EDEM3: variants seen among roughly 807,000 people sequenced by gnomAD.
The protein encoded by EDEM3 is ER degradation enhancing alpha-mannosidase like protein 3, also known as ER degradation-enhancing alpha-mannosidase-like protein 3.
Under a neutral mutation model 110.2 loss-of-function variants are expected in EDEM3, and 60 were observed. The observed-to-expected ratio is 0.54, with a 90% CI of 0.44 to 0.67. The LOEUF is 0.67. Ranked by LOEUF, EDEM3 falls within the 30% of genes least tolerant of loss-of-function variation. EDEM3 has a pLI of 0.00. For missense variants in EDEM3, 996 were observed against 1,121.0 expected, an observed-to-expected ratio of 0.89 and a Z score of 1.59; for synonymous variants, 352 against 382.9, an observed-to-expected ratio of 0.92 and a Z score of 0.94.
intron 19 of EDEM3, among the ~76,000 whole-genome samples, chr1:184,697,139 A>G (rs762282555): frequency 2.0e-5 from 3 of 151,892 alleles, no homozygotes; most frequent in African/African-American, 7.2e-5. Context: ...ACCTTTTCAT[A>G]ATAAAAAGCT....
intron 3 of EDEM3, 85 bp from the exon 4 acceptor site, chr1:184,737,149 T>A (rs1651874580): frequency 8.7e-7 from 1 of 1,151,070 alleles, no homozygotes; most frequent in African/African-American, 1.5e-5. Context: ...TACATTCTAT[T>A]GACTGGTAGT....
chr1:184,717,677 G>T, intron 11 of EDEM3, 54 bp from the exon 12 acceptor site: 1 of 1,362,442 alleles, frequency 7.3e-7, no homozygotes, highest in South Asian at 1.3e-5. Context: ...TACACAAGTA[G>T]TTCCAGAATA....
rs778411233 is a variant in EDEM3 at position 184,694,083 on chromosome 1, T to A, written c.2779A>T (p.Met927Leu). 1.2e-6 allele frequency: 2 copies of A among 1,612,452 alleles called. No homozygotes were observed. Among genetic ancestry groups the A allele is most frequent in the Non-Finnish European group, 1.7e-6 (2 of 1,179,112 alleles). Residue 927 changes from methionine to leucine, a missense_variant, in exon 20 of 20, where the codon ATG (methionine) becomes TTG (leucine). Around this residue, in one of 5 missense-constraint regions of EDEM3, gnomAD observed 345 missense variants for 402.0 expected, o/e 0.86. Coordinates refer to ENST00000318130, the MANE Select transcript of EDEM3 (RefSeq NM_025191.4). ...GCAAGTCATAGCTCATCCTTCTCCA[T>A]CATTTCAAATGCTTCTATATCTTCA... The part of the protein sequence containing the change: ...WNEDIEAFEM[M>L]EKDEL
In EDEM3 at chr1:184,739,947, A is replaced by G. The variant is rs1183641440; in HGVS notation, c.205-2236T>C. Reference sequence around the variant, plus strand: ...CGGGAGTTATGTTAATGCCCAAAGGACATAGGAGTTGATGCTGGTGGCCCT... The same window carrying G: ...CGGGAGTTATGTTAATGCCCAAAGGGCATAGGAGTTGATGCTGGTGGCCCT... On this transcript the variant is annotated intron_variant, in intron 2 of 19. Coordinates refer to ENST00000318130, the MANE Select transcript of EDEM3 (RefSeq NM_025191.4). Among the ~76,000 whole-genome samples the G allele has an allele frequency of 2.6e-5, 4 of 152,178 alleles. No homozygotes were observed. The East Asian group carries it at 7.7e-4, about 29-fold the overall frequency.
intron 1 of EDEM3, among the ~76,000 whole-genome samples, chr1:184,753,438 G>A (rs1185978858): frequency 2.1e-5 from 3 of 144,306 alleles, no homozygotes; most frequent in Admixed American, 7.0e-5. Flanking sequence ...ACAGAGTTTC[G>A]CTCTTGTTGC....
In EDEM3 at chr1:184,754,528, C is replaced by A. The variant is rs767181519; in HGVS notation, c.119G>T (p.Gly40Val). The change falls in exon 1 of 20, where the codon GGG (glycine) becomes GTG (valine). Residue 40 changes from glycine to valine, a missense_variant. Gly to Val is a moderately radical substitution (Grantham distance 109). Around this residue, in one of 5 missense-constraint regions of EDEM3, gnomAD observed 200 missense variants for 183.8 expected, o/e 1.09. Coordinates refer to ENST00000318130, the MANE Select transcript of EDEM3 (RefSeq NM_025191.4). ...CTCCTCCCTACTCATGGGCTCGGCC[C>A]CCGCCGTCCACACGGAGGTGGCCGA... Reference protein sequence around the residue: ...LVSATSVWTAGAEPMSREEKQ... With the variant: ...LVSATSVWTAVAEPMSREEKQ... 1.9e-6 allele frequency: 3 copies of A among 1,613,276 alleles called. No homozygotes were observed. Among genetic ancestry groups the A allele is most frequent in the Non-Finnish European group, 2.5e-6 (3 of 1,179,842 alleles).
intron 6 of EDEM3, among the ~76,000 whole-genome samples, chr1:184,729,704 T>C (rs980037751): frequency 1.3e-5 from 2 of 152,200 alleles, no homozygotes; most frequent in African/African-American, 4.8e-5. Context: ...GGGACAGCAG[T>C]TATTTTTCTT....
chr1:184,716,641 AATC>A (rs1439988528), intron 13 of EDEM3, among the ~76,000 whole-genome samples: 3 of 152,174 alleles, frequency 2.0e-5, no homozygotes, highest in African/African-American at 4.8e-5. Flanking sequence ...GATATTTAAC[AATC>A]ATCGATTCAT....
At chr1:184,749,406 A>G (rs1652622992) in intron 2 of EDEM3, 141 bp downstream of exon 2, 1 of 652,966 alleles carries the variant, frequency 1.5e-6, no homozygotes, top group South Asian at 2.0e-5. Context: ...CCACTACCAG[A>G]AAGACTATTT....
At chr1:184,725,165 G>A (rs1018823786) in intron 7 of EDEM3, among the ~76,000 whole-genome samples, 6 of 151,968 alleles carry the variant, frequency 3.9e-5, no homozygotes, top group Non-Finnish European at 5.9e-5. Flanking sequence ...AAATTACTGC[G>A]TATTCAAGAA....
intron 7 of EDEM3, among the ~76,000 whole-genome samples, chr1:184,724,645 T>C (rs1298182376): frequency 6.6e-6 from 1 of 152,194 alleles, no homozygotes; most frequent in African/African-American, 2.4e-5. Context: ...CATTTGTCAC[T>C]TGGCAGATTA....
chr1:184,710,107 G>T (rs1350351933), intron 16 of EDEM3, among the ~76,000 whole-genome samples: 3 of 152,202 alleles, frequency 2.0e-5, no homozygotes, highest in South Asian at 2.1e-4. Context: ...ACAGGGGAAA[G>T]CCAATGGACT....
chr1:184,745,333 T>C (rs1379005644), intron 2 of EDEM3, among the ~76,000 whole-genome samples: 1 of 152,032 alleles, frequency 6.6e-6, no homozygotes, highest in Non-Finnish European at 1.5e-5. Flanking sequence ...CAAAAAAAGG[T>C]AAATATAAAT....
chr1:184,703,544 G>C (rs115271167), intron 18 of EDEM3, among the ~76,000 whole-genome samples: 2 of 152,104 alleles, frequency 1.3e-5, no homozygotes, highest in Non-Finnish European at 2.9e-5. Flanking sequence ...TCCTCTATAA[G>C]CTAAACTAAA....
At chr1:184,753,437 C>T (rs1652888145) in intron 1 of EDEM3, among the ~76,000 whole-genome samples, 1 of 146,010 alleles carries the variant, frequency 6.8e-6, no homozygotes, top group African/African-American at 2.5e-5. Context: ...GACAGAGTTT[C>T]GCTCTTGTTG....
intron 2 of EDEM3, among the ~76,000 whole-genome samples, chr1:184,748,360 T>A (rs1279989038): frequency 6.6e-6 from 1 of 151,478 alleles, no homozygotes; most frequent in Non-Finnish European, 1.5e-5. Flanking sequence ...GGCAGGAGAA[T>A]CACTTGAACC....
At chr1:184,705,345 G>A (rs1467143862) in intron 18 of EDEM3, among the ~76,000 whole-genome samples, 1 of 152,076 alleles carries the variant, frequency 6.6e-6, no homozygotes, top group African/African-American at 2.4e-5. Context: ...TTAAGTCAGG[G>A]GTCGGCAAAT....
At position 184,721,394 on chromosome 1, in the gene EDEM3, A is replaced by C; in HGVS notation, c.854-8T>G. The C allele has an allele frequency of 6.4e-7, 1 of 1,568,434 alleles. No homozygotes were observed. Among genetic ancestry groups the C allele is most frequent in the Middle Eastern group, 1.7e-4 (1 of 5,868 alleles). The stretch of plus-strand genomic sequence containing the variant: ...CTGCTCCAACTCCACTATCTATGGA[A>C]ACACAAATGTGATTTTTCATTAAAT... On this transcript the variant is annotated splice_polypyrimidine_tract_variant and splice_region_variant and intron_variant, in intron 8 of 19. Transcript: ENST00000318130.
chr1:184,748,451 A>C (rs1652565001), intron 2 of EDEM3, among the ~76,000 whole-genome samples: 2 of 151,866 alleles, frequency 1.3e-5, no homozygotes, highest in South Asian at 4.2e-4. Context: ...TCCGTCTCAA[A>C]AAAAAAAACA....
Sources: allele counts gnomAD v4.1 joint callset (sites outside exome capture counted in the v4.1 genomes callset), GRCh38; gene constraint gnomAD v4.1.1; regional missense constraint gnomAD v4.1.1; transcripts MANE v1.5; gene names NCBI Gene and HGNC (gene_info 2026-07-23, HGNC 2026-07-21).